The following STOML1 variants were observed in gnomAD, a reference collection of about 807,000 sequenced individuals.
STOML1 encodes stomatin like 1.
A neutral mutation model predicts 35.7 loss-of-function variants in STOML1; 27 were observed. That is an observed-to-expected ratio of 0.76 (90% CI 0.56 to 1.04). STOML1 has a LOEUF of 1.04. STOML1 is among the 50% of genes least tolerant of loss of function. The pLI, the probability that STOML1 is intolerant of heterozygous loss-of-function variation, is 0.00. For synonymous variants in STOML1, 219 were observed against 227.9 expected (o/e 0.96, Z 0.35); for missense variants, 451 against 527.1 (o/e 0.86, Z 1.41).
chr15:73,993,404 A>G (rs2069344140), upstream of STOML1, among the ~76,000 whole-genome samples: 1 of 152,194 alleles, frequency 6.6e-6, no homozygotes, highest in Non-Finnish European at 1.5e-5. Context: ...TCCTCAGCCA[A>G]TCGCCTCTGG....
chr15:73,989,973 G>C, intron 2 of STOML1: 1 of 203,920 alleles, frequency 4.9e-6, no homozygotes, highest in Non-Finnish European at 1.0e-5. Flanking sequence ...ACCCCTTATG[G>C]AAAATGAGGC....
rs760990889 is a variant in STOML1 at position 73,984,034 on chromosome 15, A to C, written c.1100T>G (p.Leu367Arg). 1 of 1,614,052 alleles carries C rather than the reference A, an allele frequency of 6.2e-7. No individual in the cohort carries two copies. Among genetic ancestry groups the C allele is most frequent in the East Asian group, 2.2e-5 (1 of 44,882 alleles). Residue 367 changes from leucine to arginine, a missense_variant, in exon 7 of 7, where the codon CTG (leucine) becomes CGG (arginine). Coordinates refer to ENST00000541638, the MANE Select transcript of STOML1 (RefSeq NM_004809.5). ...ACTCATGTAGGCCCCCAGGGGCCGC[A>C]GCTCTCTGCATAGCAGGGCCCGCAG... ...ADLRALLCRE[L>R]RPLGAYMSGR...
At chr15:73,989,013 C>G in intron 3 of STOML1, 95 bp downstream of exon 3, 1 of 1,509,460 alleles carries the variant, frequency 6.6e-7, no homozygotes, top group South Asian at 1.3e-5. Context: ...CCCTTCCCCC[C>G]TCAGATGGTG....
At chr15:73,990,127 G>C in intron 2 of STOML1, 1 of 515,222 alleles carries the variant, frequency 1.9e-6, no homozygotes, top group Non-Finnish European at 3.5e-6. Flanking sequence ...TTAGGAGTTT[G>C]GGACTTGCTT....
Position 73,984,644 on chromosome 15 carries a change from G to A in STOML1, c.1003+15C>T. The stretch of plus-strand genomic sequence containing the variant: ...CAAGCTGGATGGGAAGGAGAGGCAA[G>A]GAGGGCAGCGGCACCTGTAGTGAGG... On this transcript the variant is annotated intron_variant, in intron 6 of 6. Transcript: ENST00000541638. 6 of 1,611,986 alleles carry A rather than the reference G, an allele frequency of 3.7e-6. No individual in the cohort carries two copies. The highest frequency in any genetic ancestry group is 5.1e-6 in the Non-Finnish European group (6 of 1,178,358).
At chr15:73,990,112 A>C (rs1417495587) in intron 2 of STOML1, 1 of 486,140 alleles carries the variant, frequency 2.1e-6, no homozygotes, top group African/African-American at 2.0e-5. Context: ...TCCAGATCCC[A>C]GGACTTAGGA....
intron 2 of STOML1, 124 bp downstream of exon 2, chr15:73,990,227 G>A (rs1340921913): frequency 3.7e-6 from 3 of 816,994 alleles, no homozygotes; most frequent in African/African-American, 3.4e-5. Flanking sequence ...TTCTTGCCTA[G>A]CCCATTACAC....
At chr15:73,985,990 A>C (rs2069087879) in intron 4 of STOML1, 2 of 163,452 alleles carry the variant, frequency 1.2e-5, no homozygotes. Flanking sequence ...GTGATACAGC[A>C]GACTTGCTTT....
intron 1 of STOML1, chr15:73,990,686 C>T (rs937741383): frequency 1.9e-6 from 2 of 1,071,112 alleles, no homozygotes; most frequent in African/African-American, 1.6e-5. Flanking sequence ...TCCAACAACC[C>T]TCACAAGGCC....
At chr15:73,992,404 C>G (rs1157317391), upstream of STOML1, 1 of 620,250 alleles carries the variant, frequency 1.6e-6, no homozygotes, top group Non-Finnish European at 2.4e-6. Flanking sequence ...ATGGCTCCCC[C>G]TGCGCTGGGA....
At chr15:73,987,511 G>A (rs2069135714) in intron 4 of STOML1, 1 of 152,166 alleles carries the variant, frequency 6.6e-6, no homozygotes, top group African/African-American at 2.4e-5. Flanking sequence ...CTTCCTAAAG[G>A]TGAATTAACA....
rs372383820 is a variant in STOML1, at chr15:73,984,649, G to A, written c.1003+10C>T. The stretch of plus-strand genomic sequence containing the variant: ...TGGATGGGAAGGAGAGGCAAGGAGG[G>A]CAGCGGCACCTGTAGTGAGGTCCAG... On this transcript the variant is annotated intron_variant, in intron 6 of 6. Coordinates refer to ENST00000541638, the MANE Select transcript of STOML1 (RefSeq NM_004809.5). The A allele has an allele frequency of 1.9e-6, 3 of 1,612,554 alleles. No homozygotes were observed. Among genetic ancestry groups the A allele is most frequent in the Non-Finnish European group, 2.5e-6 (3 of 1,178,844 alleles).
chr15:73,981,330 G>A lies in STOML1; in HGVS notation c.*2607C>T, dbSNP rs1180710404. On this transcript the variant is annotated 3_prime_UTR_variant, in exon 7 of 7. Coordinates refer to ENST00000541638, the MANE Select transcript of STOML1 (RefSeq NM_004809.5). Reference sequence around the variant, plus strand: ...GAGATTGTACTGTACTCTAACATGGGCAACAGAGTAAGACTCTTGTTTCAA... The same window carrying A: ...GAGATTGTACTGTACTCTAACATGGACAACAGAGTAAGACTCTTGTTTCAA... The A allele has an allele frequency of 6.6e-6, 1 of 151,866 alleles. No individual in the cohort carries two copies. The highest frequency in any genetic ancestry group is 2.1e-4 in the South Asian group (1 of 4,808). The allele number at this position is 151,866 out of a possible 1,614,324, so 9.4% of individuals were successfully genotyped here.
rs145996323 is a variant in STOML1 at position 73,986,965 on chromosome 15, C to T, written c.595-1452G>A. 270 of 154,302 alleles carry T rather than the reference C, an allele frequency of 1.7e-3. 1 individual carries two copies. Among genetic ancestry groups the T allele is most frequent in the South Asian group, 7.7e-3 (38 of 4,904 alleles). The allele number at this position is 154,302 out of a possible 1,614,324, so 9.6% of individuals were successfully genotyped here. On this transcript the variant is annotated intron_variant, in intron 4 of 6. Coordinates refer to ENST00000541638, the MANE Select transcript of STOML1 (RefSeq NM_004809.5). The stretch of plus-strand genomic sequence containing the variant: ...GGATAGCAGGGGGCCCACAGCACTG[C>T]GCAGTACAGGGATGAGCCTCAGAGA...
rs2068963564 is a variant in STOML1, at chr15:73,981,770, C to G, written c.*2167G>C. 1 of 152,458 alleles carries G rather than the reference C, an allele frequency of 6.6e-6. No individual in the cohort carries two copies. Among genetic ancestry groups the G allele is most frequent in the Non-Finnish European group, 1.5e-5 (1 of 68,218 alleles). The allele number at this position is 152,458 out of a possible 1,614,324, so 9.4% of individuals were successfully genotyped here. A position where few individuals can be genotyped will look rare whatever the true frequency, so the allele number is the denominator to read the frequency against. ...CACACCCTCCTCCTCCCTCTTCACA[C>G]CGACCCTTTAGGTGGCCCTTGTCCT... On this transcript the variant is annotated 3_prime_UTR_variant, in exon 7 of 7. Coordinates refer to ENST00000541638, the MANE Select transcript of STOML1 (RefSeq NM_004809.5).
chr15:73,989,275 GGAAAGAGTT>G lies in STOML1; in HGVS notation c.241-27_241-19del. 2 of 1,566,182 alleles carry G rather than the reference GGAAAGAGTT, an allele frequency of 1.3e-6. No homozygotes were observed. Among genetic ancestry groups the G allele is most frequent in the Non-Finnish European group, 1.7e-6 (2 of 1,151,668 alleles). The stretch of plus-strand genomic sequence containing the variant: ...GGCACAATCTGTCCACAATGGCAAG[GGAAAGAGTT>G]GAAAGTGGTCAGCCTAGGCTGGCCA... On this transcript the variant is annotated intron_variant, in intron 2 of 6. Transcript: ENST00000541638.
rs949337094 is a variant in STOML1, at chr15:73,989,337, C to G, written c.241-80G>C. On this transcript the variant is annotated intron_variant, in intron 2 of 6. Transcript: ENST00000541638. ...GCTGTCTGCCTAGGTCCCTTCCTCA[C>G]TTCTCTCCTCCTCACCTGGGTCACA... The G allele has an allele frequency of 9.2e-6, 13 of 1,408,216 alleles. No homozygotes were observed. In the East Asian group the frequency reaches 3.2e-4, roughly 35 times the overall value. The allele number at this position is 1,408,216 out of a possible 1,614,324, so 87.2% of individuals were successfully genotyped here.
intron 2 of STOML1, among the ~76,000 whole-genome samples, chr15:73,989,601 ATTAG>A (rs2141676351): frequency 6.6e-6 from 1 of 152,210 alleles, no homozygotes; most frequent in Admixed American, 6.5e-5. Context: ...CTGTCCTTGG[ATTAG>A]TTAGGAGAAA....
At chr15:73,990,290 A>G (rs746489107) in intron 2 of STOML1, 61 bp downstream of exon 2, 2 of 1,491,580 alleles carry the variant, frequency 1.3e-6, no homozygotes, top group Non-Finnish European at 1.9e-6. Context: ...AAATTTATTC[A>G]TCAATGCCAA....
Sources: gnomAD v4.1 joint callset for allele counts (sites outside exome capture counted in the v4.1 genomes callset) on GRCh38, gnomAD v4.1.1 for gene constraint, MANE v1.5 for transcripts, NCBI Gene and HGNC (gene_info 2026-07-23, HGNC 2026-07-21) for gene names.